ZFP42: variants seen among roughly 807,000 people sequenced by gnomAD.
The protein encoded by ZFP42 is ZFP42 zinc finger protein.
For synonymous variants in ZFP42, 175 were observed against 144.6 expected (o/e 1.21, Z -1.51); for missense variants, 438 against 377.1 (o/e 1.16, Z -1.34).
At chr4:187,997,100 C>T (rs1379618373) in intron 1 of ZFP42, among the ~76,000 whole-genome samples, 1 of 151,914 alleles carries the variant, frequency 6.6e-6, no homozygotes, top group Non-Finnish European at 1.5e-5. Flanking sequence ...GCAGGCTTCG[C>T]TCGTCTCTTC....
Position 188,003,482 on chromosome 4 carries a change from G to C in ZFP42, c.675G>C (p.Ala225=), listed in dbSNP as rs960720710. The change falls in exon 4 of 4, where the codon GCG becomes GCC. Residue 225 remains alanine, a synonymous_variant. Transcript: ENST00000326866. The stretch of plus-strand genomic sequence containing the variant: ...ACGTCTGTGCGGAATGTGGGAAAGC[G>C]TTCGTTGAGAGCTCAAAACTAAAGA... ...RDHVCAECGK[A]FVESSKLKRH... 1 of 1,613,894 alleles carries C rather than the reference G, an allele frequency of 6.2e-7. No individual in the cohort carries two copies. The highest frequency in any genetic ancestry group is 1.6e-4 in the Middle Eastern group (1 of 6,062).
intron 1 of ZFP42, among the ~76,000 whole-genome samples, chr4:187,998,786 T>TACACACAGA (rs1733702610): frequency 6.6e-6 from 1 of 152,148 alleles, no homozygotes; most frequent in African/African-American, 2.4e-5. Context: ...CTCTGTGATG[T>TACACACAGA]TCACAGGATG....
intron 3 of ZFP42, 28 bp downstream of exon 3, chr4:187,999,713 C>A (rs971574053): frequency 6.6e-6 from 1 of 152,242 alleles, no homozygotes; most frequent in African/African-American, 2.4e-5. Context: ...CAAGGGACAC[C>A]AGAGCTCTGA....
rs1733998617 is a variant in ZFP42 at position 188,004,974 on chromosome 4, T to A, written c.*1234T>A. 6.0e-6 allele frequency: 1 copy of A among 167,232 alleles called. No homozygotes were observed. Among genetic ancestry groups the A allele is most frequent in the Non-Finnish European group, 1.5e-5 (1 of 68,116 alleles). The allele number at this position is 167,232 out of a possible 1,614,324, so 10.4% of individuals were successfully genotyped here. A position where few individuals can be genotyped will look rare whatever the true frequency, so the allele number is the denominator to read the frequency against. The stretch of plus-strand genomic sequence containing the variant: ...ACTATATGGAAATCATATGGTTAGA[T>A]GTGATTATTTGATAATGTTAGTCCA... On this transcript the variant is annotated 3_prime_UTR_variant, in exon 4 of 4. Transcript: ENST00000326866.
Position 188,003,110 on chromosome 4 carries a change from A to G in ZFP42, c.303A>G (p.Gly101=), listed in dbSNP as rs183721461. 132 of 1,614,184 alleles carry G rather than the reference A, an allele frequency of 8.2e-5. No homozygotes were observed. The East Asian group carries it at 1.9e-3, about 23-fold the overall frequency. Residue 101 remains glycine (G), a synonymous_variant, in exon 4 of 4, where the codon GGA becomes GGG. Transcript: ENST00000326866. ...AGTCCTTGGAATACCTAAAGAAAGG[A>G]TCAGAACAACAGCTTTCTCAAAAGG... is the stretch of plus-strand genomic sequence containing the variant. ...LFESLEYLKK[G]SEQQLSQKVF... is the part of the protein sequence containing the mutation.
At chr4:188,002,343 T>A (rs1448166867) in intron 3 of ZFP42, among the ~76,000 whole-genome samples, 1 of 152,246 alleles carries the variant, frequency 6.6e-6, no homozygotes, top group Non-Finnish European at 1.5e-5. Context: ...TCACACTTAG[T>A]CACCTTCTAA....
At chr4:188,002,364 A>G (rs1312471201) in intron 3 of ZFP42, among the ~76,000 whole-genome samples, 3 of 152,086 alleles carry the variant, frequency 2.0e-5, no homozygotes, top group African/African-American at 7.2e-5. Flanking sequence ...CGTGGCATAC[A>G]TTGCTTATTT....
chr4:188,004,064 G>T lies in ZFP42; in HGVS notation c.*324G>T. On this transcript the variant is annotated 3_prime_UTR_variant, in exon 4 of 4. Transcript: ENST00000326866. ...TCAATATATTATCTGTTGGATTATT[G>T]GATATAAGACTTATTTTCATGTACT... 1 of 216,424 alleles carries T rather than the reference G, an allele frequency of 4.6e-6. No individual in the cohort carries two copies. Among genetic ancestry groups the T allele is most frequent in the Non-Finnish European group, 1.0e-5 (1 of 98,844 alleles). 13.4% of individuals were successfully genotyped at this position (216,424 alleles called of 1,614,324 possible).
intron 1 of ZFP42, among the ~76,000 whole-genome samples, chr4:187,998,078 T>C (rs1052941562): frequency 1.3e-5 from 2 of 152,248 alleles, no homozygotes; most frequent in South Asian, 4.1e-4. Flanking sequence ...GGCTCACGCC[T>C]GTAATCCCAG....
chr4:188,001,537 C>T (rs1733821868), intron 3 of ZFP42, among the ~76,000 whole-genome samples: 1 of 152,164 alleles, frequency 6.6e-6, no homozygotes, highest in African/African-American at 2.4e-5. Flanking sequence ...AGTGGGCACA[C>T]GATGGCCCAT....
chr4:187,998,203 A>C (rs1335007984), intron 1 of ZFP42, among the ~76,000 whole-genome samples: 1 of 152,030 alleles, frequency 6.6e-6, no homozygotes, highest in Non-Finnish European at 1.5e-5. Flanking sequence ...GGGCGTGGTG[A>C]CACATGCCTG....
rs778300475 is a variant in ZFP42, at chr4:188,003,661, G to C, written c.854G>C (p.Arg285Thr). The C allele has an allele frequency of 6.2e-7, 1 of 1,613,718 alleles. No individual in the cohort carries two copies. The highest frequency in any genetic ancestry group is 1.1e-5 in the South Asian group (1 of 91,084). Residue 285 changes from arginine (R) to threonine (T), a missense_variant, in exon 4 of 4, where the codon AGG becomes ACG. Physicochemically the swap from Arg to Thr is moderately conservative, Grantham distance 71. Transcript: ENST00000326866. ...TGTCCCTTTCAAGGCTGCAACAGGA[G>C]GTTTATTCAGTCAAATAACCTGAAA... ...FVCPFQGCNR[R>T]FIQSNNLKAH...
chr4:188,000,797 CATG>C (rs983508730), intron 3 of ZFP42, among the ~76,000 whole-genome samples: 3 of 152,220 alleles, frequency 2.0e-5, no homozygotes, highest in African/African-American at 7.2e-5. Flanking sequence ...GCCTGGCCAA[CATG>C]ATGAAATCCC....
At chr4:187,999,834 T>TG (rs1448571081) in intron 3 of ZFP42, 149 bp downstream of exon 3, 5 of 152,382 alleles carry the variant, frequency 3.3e-5, no homozygotes, top group African/African-American at 7.2e-5. Flanking sequence ...GAAGTATGGA[T>TG]GGGAAGCAAG....
intron 1 of ZFP42, among the ~76,000 whole-genome samples, chr4:187,997,956 A>T (rs1733665115): frequency 6.6e-6 from 1 of 152,334 alleles, no homozygotes; most frequent in East Asian, 1.9e-4. Context: ...AAGAAAAAAT[A>T]TTTTTGTACA....
intron 3 of ZFP42, among the ~76,000 whole-genome samples, chr4:188,002,234 T>G (rs1733853316): frequency 6.6e-6 from 1 of 152,182 alleles, no homozygotes; most frequent in South Asian, 2.1e-4. Flanking sequence ...CCTTCAGGCT[T>G]TTAACCAACT....
intron 1 of ZFP42, 91 bp from the exon 2 acceptor site, chr4:187,999,017 T>C (rs1485469193): frequency 6.6e-6 from 1 of 152,256 alleles, no homozygotes; most frequent in African/African-American, 2.4e-5. Flanking sequence ...GAATTTAGCT[T>C]AGAAAGGTAA....
In ZFP42 at chr4:188,002,822, G is replaced by A. The variant is rs766584896; in HGVS notation, c.15G>A (p.Leu5=). The A allele has an allele frequency of 1.2e-6, 2 of 1,613,918 alleles. No homozygotes were observed. The highest frequency in any genetic ancestry group is 2.2e-5 in the South Asian group (2 of 91,074). The change falls in exon 4 of 4, where the codon CTG becomes CTA. Residue 5 remains leucine, a synonymous_variant. Coordinates refer to ENST00000326866, the MANE Select transcript of ZFP42 (RefSeq NM_174900.5). MSQQ[L]KKRAKTRHQK... The stretch of plus-strand genomic sequence containing the variant: ...GGCAGGAAAACATGAGCCAGCAACT[G>A]AAGAAACGGGCAAAGACAAGACACC...
At chr4:188,000,733 G>A (rs990940469) in intron 3 of ZFP42, among the ~76,000 whole-genome samples, 1 of 152,042 alleles carries the variant, frequency 6.6e-6, no homozygotes, top group Non-Finnish European at 1.5e-5. Flanking sequence ...TGTAATCCCA[G>A]TACTTTGAGA....
Sources: allele counts gnomAD v4.1 joint callset (sites outside exome capture counted in the v4.1 genomes callset), GRCh38; gene constraint gnomAD v4.1.1; transcripts MANE v1.5; gene names NCBI Gene and HGNC (gene_info 2026-07-23, HGNC 2026-07-21).